Variants in FER1L6 observed in about 807,000 individuals in gnomAD.
The protein encoded by FER1L6 is fer-1-like protein 6.
FER1L6 carries 177 observed loss-of-function variants against 219.2 expected under a neutral mutation model. That is an observed-to-expected ratio of 0.81 (90% confidence interval 0.71 to 0.91). FER1L6 has a LOEUF of 0.91. Among genes scored for constraint, FER1L6 ranks in the 40% least tolerant of loss-of-function variants. FER1L6 has a pLI of 0.00. For synonymous variants in FER1L6, 768 were observed against 824.3 expected, an observed-to-expected ratio of 0.93 and a Z score of 1.17; for missense variants, 2,153 against 2,259.9, an observed-to-expected ratio of 0.95 and a Z score of 0.96.
intron 10 of FER1L6, among the ~76,000 whole-genome samples, chr8:123,979,982 C>G (rs1816247773): frequency 1.3e-5 from 2 of 152,334 alleles, no homozygotes; most frequent in East Asian, 3.9e-4. Context: ...AGCCAGAACA[C>G]ACACTCTCTC....
In FER1L6 at chr8:123,940,527, G is replaced by A. The variant is rs192830738; in HGVS notation, c.-7-15465G>A. ...TAATTTTTGTATTTTTAGTAGAGAC[G>A]GGGTTTTGCCATGTTGGCCAGGCTG... On this transcript the variant is annotated intron_variant, in intron 1 of 40. Coordinates refer to ENST00000522917, the MANE Select transcript of FER1L6 (RefSeq NM_001039112.2). Among the ~76,000 whole-genome samples, 97 of 152,156 alleles carry A rather than the reference G, an allele frequency of 6.4e-4. 1 individual carries two copies. The East Asian group carries it at 7.5e-3, about 12-fold the overall frequency.
At chr8:124,067,226 G>T (rs1490127446) in intron 27 of FER1L6, among the ~76,000 whole-genome samples, 2 of 152,150 alleles carry the variant, frequency 1.3e-5, no homozygotes, top group Admixed American at 6.5e-5. Flanking sequence ...GAAAGGCTAT[G>T]GTTGCATCTA....
intron 18 of FER1L6, among the ~76,000 whole-genome samples, chr8:124,026,382 G>T (rs1398584333): frequency 2.0e-5 from 3 of 152,114 alleles, no homozygotes; most frequent in Non-Finnish European, 4.4e-5. Context: ...GGGTGAAAAG[G>T]CTCAAAATCA....
intron 22 of FER1L6, among the ~76,000 whole-genome samples, chr8:124,056,052 C>T (rs1360939742): frequency 6.6e-6 from 1 of 152,106 alleles, no homozygotes; most frequent in Non-Finnish European, 1.5e-5. Flanking sequence ...TCATAAGGAC[C>T]CTCAAGAATA....
chr8:123,899,335 C>T (rs1236200536), intron 1 of FER1L6, among the ~76,000 whole-genome samples: 1 of 151,926 alleles, frequency 6.6e-6, no homozygotes, highest in Non-Finnish European at 1.5e-5. Context: ...GCCCTTAGCC[C>T]ACTTTTTGAT....
chr8:123,917,219 A>G (rs16893058), intron 1 of FER1L6, among the ~76,000 whole-genome samples: 5,049 of 152,322 alleles, frequency 0.033, 288 homozygotes, highest in African/African-American at 0.12. Context: ...ACTGTGCCAA[A>G]CAGGAAGTGT....
chr8:124,014,075 A>T (rs1028900715), intron 15 of FER1L6, among the ~76,000 whole-genome samples: 10 of 152,120 alleles, frequency 6.6e-5, no homozygotes, highest in Non-Finnish European at 1.2e-4. Context: ...ACTGACAAAA[A>T]GTAGATTAAT....
At chr8:123,992,869 C>T (rs1816929012) in intron 12 of FER1L6, among the ~76,000 whole-genome samples, 1 of 152,112 alleles carries the variant, frequency 6.6e-6, no homozygotes, top group East Asian at 1.9e-4. Flanking sequence ...ACTGCTTCTG[C>T]TGTATCTGAG....
intron 1 of FER1L6, among the ~76,000 whole-genome samples, chr8:123,946,236 A>G (rs1320116968): frequency 6.6e-6 from 1 of 152,114 alleles, no homozygotes; most frequent in East Asian, 1.9e-4. Context: ...TGTTTAATGA[A>G]CAGGTTAGTT....
In FER1L6 at chr8:123,922,278, TG is replaced by T. The variant is rs551403408; in HGVS notation, c.-7-33709del. On this transcript the variant is annotated intron_variant, in intron 1 of 40. Coordinates refer to ENST00000522917, the MANE Select transcript of FER1L6 (RefSeq NM_001039112.2). ...CTTGGCTGTCCAGCTGACTGCCTGC[TG>T]GGGGCAGGGGCATTTATTCTGCGTG... Among the ~76,000 whole-genome samples, 364 of 152,284 alleles carry T rather than the reference TG, an allele frequency of 2.4e-3. 2 individuals are homozygous for T. The highest frequency in any genetic ancestry group is 8.2e-3 in the African/African-American group (339 of 41,552).
chr8:123,993,555 C>G (rs1365736667), intron 12 of FER1L6, among the ~76,000 whole-genome samples: 1 of 152,188 alleles, frequency 6.6e-6, no homozygotes, highest in Non-Finnish European at 1.5e-5. Context: ...CTGCTGAGCC[C>G]AGCACTGCAG....
chr8:124,030,682 C>T (rs1818919856), intron 18 of FER1L6, among the ~76,000 whole-genome samples: 2 of 152,124 alleles, frequency 1.3e-5, no homozygotes, highest in Admixed American at 1.3e-4. Flanking sequence ...CTCCTGTTCT[C>T]CAGGTTCCAG....
intron 1 of FER1L6, among the ~76,000 whole-genome samples, chr8:123,874,845 A>AT (rs993896468): frequency 2.7e-4 from 41 of 151,930 alleles, no homozygotes; most frequent in African/African-American, 9.2e-4. Context: ...TTGGAAGATT[A>AT]TTTTTTTTGA....
chr8:123,884,973 C>A (rs1817173061), intron 1 of FER1L6, among the ~76,000 whole-genome samples: 1 of 152,056 alleles, frequency 6.6e-6, no homozygotes, highest in Non-Finnish European at 1.5e-5. Context: ...AGCCCTAAAT[C>A]CAACTAGAGT....
intron 2 of FER1L6, among the ~76,000 whole-genome samples, chr8:123,961,919 C>T (rs1815301744): frequency 7.1e-6 from 1 of 141,510 alleles, no homozygotes; most frequent in East Asian, 2.1e-4. Flanking sequence ...CTTGGAGTCT[C>T]GCTCTGTCTC....
At chr8:124,103,902 T>C (rs1234617129) in intron 39 of FER1L6, among the ~76,000 whole-genome samples, 1 of 152,234 alleles carries the variant, frequency 6.6e-6, no homozygotes, top group Non-Finnish European at 1.5e-5. Flanking sequence ...AGGGTCTTTT[T>C]TCTGCTGCTA....
In FER1L6 at chr8:123,980,588, G is replaced by C. The variant is rs1816278788; in HGVS notation, c.1187G>C (p.Arg396Thr). Residue 396 changes from arginine to threonine, a missense_variant, in exon 11 of 41, where the codon AGA becomes ACA. Arg to Thr is a moderately conservative substitution (Grantham distance 71). Transcript: ENST00000522917. ...GGGGAAGGTGTGTCATTCAGGGGCA[G>C]AATCTTGGTAGAAATTGCTGTGGAA... ...GFGEGVSFRG[R>T]ILVEIAVEIL... is the part of the protein sequence containing the mutation. 6.2e-7 allele frequency: 1 copy of C among 1,614,034 alleles called. No homozygotes were observed. The highest frequency in any genetic ancestry group is 1.7e-5 in the Admixed American group (1 of 60,006).
At chr8:123,881,729 G>A (rs145141063) in intron 1 of FER1L6, among the ~76,000 whole-genome samples, 12 of 152,238 alleles carry the variant, frequency 7.9e-5, no homozygotes, top group East Asian at 1.9e-4. Flanking sequence ...GAGCTGAGTC[G>A]GCCTCGTCTT....
intron 31 of FER1L6, among the ~76,000 whole-genome samples, chr8:124,072,680 C>T (rs895547167): frequency 1.3e-5 from 2 of 152,142 alleles, no homozygotes; most frequent in African/African-American, 2.4e-5. Context: ...CCACCATGTG[C>T]CAGGGATGTT....
Sources: allele counts gnomAD v4.1 joint callset (sites outside exome capture counted in the v4.1 genomes callset), GRCh38; gene constraint gnomAD v4.1.1; transcripts MANE v1.5; gene names NCBI Gene and HGNC (gene_info 2026-07-23, HGNC 2026-07-21).